PROM1: variants seen among roughly 807,000 people sequenced by gnomAD.
PROM1 encodes prominin-1.
In PROM1, 105 loss-of-function variants were observed where a neutral mutation model predicts 116.9. The ratio of observed to expected loss-of-function variants is 0.90; its 90% CI spans 0.77 to 1.06. The LOEUF (loss-of-function observed/expected upper bound fraction) is 1.06, where lower values mean the gene tolerates loss of function less well. Among genes scored for constraint, PROM1 ranks in the 50% least tolerant of loss-of-function variants. The pLI is 0.00. For synonymous variants in PROM1, 393 were observed against 387.0 expected, an observed-to-expected ratio of 1.02 and a Z score of -0.18; for missense variants, 1,122 against 1,045.2, an observed-to-expected ratio of 1.07 and a Z score of -1.01.
rs920856596 is a variant in PROM1 at position 16,047,513 on chromosome 4, C to A, written c.221-8512G>T. Among the ~76,000 whole-genome samples the A allele has an allele frequency of 2.0e-5, 3 of 152,186 alleles. No homozygotes were observed. The East Asian group carries it at 5.8e-4, about 29-fold the overall frequency. ...AGCCACCATGCCGGGCAGGTACTTA[C>A]AGTGTCTGGCCGGTACTGCCTTTCA... is the stretch of plus-strand genomic sequence containing the variant. On this transcript the variant is annotated intron_variant, in intron 2 of 27. Transcript: ENST00000447510.
At chr4:16,011,287 C>G (rs1726833593) in intron 11 of PROM1, among the ~76,000 whole-genome samples, 1 of 152,150 alleles carries the variant, frequency 6.6e-6, no homozygotes, top group South Asian at 2.1e-4. Flanking sequence ...AGTGTGACAA[C>G]AAGTCTGTGT....
rs143681884 is a variant in PROM1, at chr4:15,975,243, G to A, written c.2582+4152C>T. On this transcript the variant is annotated intron_variant, in intron 26 of 27. Transcript: ENST00000447510. ...CTTATTTTTATTTATTTATTGAGAC[G>A]GAGTCTCACTCTGTCGTCCTGGATG... 5.3e-5 allele frequency among the ~76,000 whole-genome samples: 8 copies of A among 152,146 alleles called. No homozygotes were observed. In the East Asian group the frequency reaches 7.7e-4, roughly 15 times the overall value.
chr4:16,005,736 C>T (rs1315765721), intron 13 of PROM1, among the ~76,000 whole-genome samples: 1 of 152,164 alleles, frequency 6.6e-6, no homozygotes, highest in Non-Finnish European at 1.5e-5. Flanking sequence ...CCTAGAGCCC[C>T]ATCTCACTCC....
intron 14 of PROM1, among the ~76,000 whole-genome samples, chr4:15,999,911 A>C (rs1723325151): frequency 6.6e-6 from 1 of 152,206 alleles, no homozygotes. Context: ...TTCCTCATTA[A>C]TGAAGAAAGC....
chr4:16,040,309 C>G (rs1456156623), intron 2 of PROM1, among the ~76,000 whole-genome samples: 1 of 152,126 alleles, frequency 6.6e-6, no homozygotes, highest in Non-Finnish European at 1.5e-5. Flanking sequence ...ACCCAGGGAA[C>G]CCCAATAGTT....
chr4:16,078,376 G>A (rs1402258878), intron 1 of PROM1: 1 of 152,300 alleles, frequency 6.6e-6, no homozygotes, highest in African/African-American at 2.4e-5. Flanking sequence ...GCCCCAGACA[G>A]GAGGCTGCAA....
chr4:16,004,966 T>C (rs1162491388), intron 13 of PROM1, among the ~76,000 whole-genome samples: 7 of 125,666 alleles, frequency 5.6e-5, no homozygotes, highest in East Asian at 6.8e-4. Flanking sequence ...GCTCTCTCTT[T>C]TTTTTTTTTT....
chr4:15,971,389 G>T, intron 26 of PROM1: 1 of 299,248 alleles, frequency 3.3e-6, no homozygotes, highest in Non-Finnish European at 6.3e-6. Context: ...GAAGACATTA[G>T]ACCAGCAGCA....
rs749555115 is a variant in PROM1 at position 16,006,552 on chromosome 4, G to C, written c.1440C>G (p.Gly480=). 6.3e-7 allele frequency: 1 copy of C among 1,594,046 alleles called. No individual in the cohort carries two copies. The highest frequency in any genetic ancestry group is 8.5e-7 in the Non-Finnish European group (1 of 1,170,710). Residue 480 remains glycine (G), a synonymous_variant, in exon 13 of 28, where the codon GGC becomes GGG. Coordinates refer to ENST00000447510, the MANE Select transcript of PROM1 (RefSeq NM_006017.3). ...CAGACACTCACACCATGAGGAAGAC[G>C]CCTCCGGTGTTGGAGACACAGCCTC... is the stretch of plus-strand genomic sequence containing the variant. ...TTRGCVSNTG[G]VFLMVGVGLS... is the part of the protein sequence containing the mutation.
In PROM1 at chr4:16,013,286, G is replaced by C; in HGVS notation, c.1130C>G (p.Thr377Ser). The C allele has an allele frequency of 6.2e-7, 1 of 1,607,204 alleles. No homozygotes were observed. Among genetic ancestry groups the C allele is most frequent in the Non-Finnish European group, 8.5e-7 (1 of 1,173,760 alleles). ...ACTGTGAATCTCACCTGCTACGACAGTCGTGGTTTGGCGTTGTACTCTGTC... is the reference window on the plus strand; with the variant it reads ...ACTGTGAATCTCACCTGCTACGACACTCGTGGTTTGGCGTTGTACTCTGTC... ...IPDRVQRQTTTVVAGIKRVLN... is the reference protein window; with the variant it reads ...IPDRVQRQTTSVVAGIKRVLN... The change falls in exon 11 of 28, where the codon ACT becomes AGT. Residue 377 changes from threonine to serine, a missense_variant. Coordinates refer to ENST00000447510, the MANE Select transcript of PROM1 (RefSeq NM_006017.3).
chr4:16,074,992 G>C (rs75149080), intron 2 of PROM1, among the ~76,000 whole-genome samples: 12,875 of 152,218 alleles, frequency 0.085, 1,238 homozygotes, highest in African/African-American at 0.24. Flanking sequence ...CCTAGTAGCA[G>C]ATATTTCCCA....
intron 3 of PROM1, 42 bp from the exon 4 acceptor site, chr4:16,035,803 C>T (rs1733824294): frequency 6.3e-7 from 1 of 1,589,716 alleles, no homozygotes; most frequent in Non-Finnish European, 8.6e-7. Flanking sequence ...GCAGAGGCAG[C>T]ATGCATCAAG....
intron 20 of PROM1, among the ~76,000 whole-genome samples, chr4:15,986,347 C>T (rs1719403369): frequency 6.6e-6 from 1 of 152,014 alleles, no homozygotes; most frequent in Non-Finnish European, 1.5e-5. Flanking sequence ...AATGAGGCAG[C>T]TCAGCCTCTT....
intron 2 of PROM1, among the ~76,000 whole-genome samples, chr4:16,054,956 T>G (rs897830340): frequency 6.6e-6 from 1 of 152,234 alleles, no homozygotes; most frequent in African/African-American, 2.4e-5. Flanking sequence ...ACTTGTGACA[T>G]TTAATGATCC....
intron 9 of PROM1, among the ~76,000 whole-genome samples, chr4:16,017,585 C>T (rs768076705): frequency 5.3e-5 from 8 of 152,194 alleles, no homozygotes; most frequent in Non-Finnish European, 8.8e-5. Context: ...CTTTGGGAGG[C>T]TAAGGCAGGC....
chr4:16,072,658 C>T (rs1743073881), intron 2 of PROM1, among the ~76,000 whole-genome samples: 1 of 152,202 alleles, frequency 6.6e-6, no homozygotes, highest in Admixed American at 6.5e-5. Flanking sequence ...GACTACCCTG[C>T]TCTTGCAGGA....
At chr4:16,076,557 G>A (rs551507901) in intron 1 of PROM1, 1 of 152,624 alleles carries the variant, frequency 6.6e-6, no homozygotes, top group Non-Finnish European at 1.5e-5. Context: ...AAGGTCACAG[G>A]TGATTAACCA....
intron 26 of PROM1, among the ~76,000 whole-genome samples, chr4:15,973,324 G>A (rs917696879): frequency 2.6e-5 from 4 of 152,292 alleles, no homozygotes; most frequent in Admixed American, 2.6e-4. Context: ...GTGTGTGCCT[G>A]TAATCCCAGC....
At chr4:16,015,064 G>A (rs1223390838) in intron 10 of PROM1, among the ~76,000 whole-genome samples, 1 of 148,068 alleles carries the variant, frequency 6.8e-6, no homozygotes, top group Non-Finnish European at 1.5e-5. Context: ...GTGATATATG[G>A]ACCGGGCGTG....
Sources: allele counts gnomAD v4.1 joint callset (sites outside exome capture counted in the v4.1 genomes callset), GRCh38; gene constraint gnomAD v4.1.1; transcripts MANE v1.5; gene names NCBI Gene and HGNC (gene_info 2026-07-23, HGNC 2026-07-21).